The following TRMT13 variants were observed in gnomAD, a reference collection of about 807,000 sequenced individuals.
TRMT13 encodes the protein tRNA methyltransferase 13, also known as tRNA:m(4)X modification enzyme TRM13 homolog.
Under a neutral mutation model 55.9 loss-of-function variants are expected in TRMT13, and 45 were observed. That is an observed-to-expected ratio of 0.80 (90% CI 0.63 to 1.03). The LOEUF (loss-of-function observed/expected upper bound fraction) is 1.03. Ranked by LOEUF, TRMT13 falls within the 50% of genes least tolerant of loss-of-function variation. The probability of loss-of-function intolerance (pLI) is 0.00; values close to 1 mark genes in which losing one functional copy is unlikely to be tolerated. For synonymous variants in TRMT13, 183 were observed against 196.3 expected (o/e 0.93, Z 0.57); for missense variants, 513 against 563.9 (o/e 0.91, Z 0.91).
intron 9 of TRMT13, among the ~76,000 whole-genome samples, chr1:100,147,293 G>A (rs1408050287): frequency 2.6e-5 from 4 of 152,124 alleles, no homozygotes; most frequent in Admixed American, 2.6e-4. Context: ...TCAGTGCTTT[G>A]CACATGAAAG....
Position 100,140,128 on chromosome 1 carries a change from T to C in TRMT13, c.325-54T>C, listed in dbSNP as rs1656408074. On this transcript the variant is annotated intron_variant, in intron 4 of 10. Coordinates refer to ENST00000370141, the MANE Select transcript of TRMT13 (RefSeq NM_019083.3). ...GTAAACCTCTACTCAGTCTCTGTTA[T>C]GCTACTTTAAAGCAATTTTTGGCTA... is the stretch of plus-strand genomic sequence containing the variant. 9 of 1,221,200 alleles carry C rather than the reference T, an allele frequency of 7.4e-6. No individual in the cohort carries two copies. In the South Asian group the frequency reaches 1.0e-4, roughly 14 times the overall value. 75.6% of individuals were successfully genotyped at this position (1,221,200 alleles called of 1,614,324 possible). A position where few individuals can be genotyped will look rare whatever the true frequency, so the allele number is the denominator to read the frequency against.
chr1:100,141,562 G>A (rs1466901810), intron 7 of TRMT13, among the ~76,000 whole-genome samples: 1 of 152,108 alleles, frequency 6.6e-6, no homozygotes, highest in East Asian at 1.9e-4. Flanking sequence ...GAACTCCTGA[G>A]CTTAAGCCAT....
At chr1:100,134,199 T>A (rs1312968688) in intron 1 of TRMT13, among the ~76,000 whole-genome samples, 1 of 152,206 alleles carries the variant, frequency 6.6e-6, no homozygotes, top group Non-Finnish European at 1.5e-5. Flanking sequence ...ACAATTTTGT[T>A]TGATAATTAT....
intron 10 of TRMT13, 25 bp from the exon 11 acceptor site, chr1:100,148,600 T>A (rs1394282745): frequency 6.3e-7 from 1 of 1,579,536 alleles, no homozygotes; most frequent in East Asian, 2.2e-5. Context: ...TTTAACAATG[T>A]TTTGTGTGTG....
rs1257551748 is a variant in TRMT13, at chr1:100,148,513, C to CT, written c.1251-110dup. On this transcript the variant is annotated intron_variant, in intron 10 of 10. Coordinates refer to ENST00000370141, the MANE Select transcript of TRMT13 (RefSeq NM_019083.3). ...TGTCTTGGAAGCATGGGACAAAGTA[C>CT]TTAGTACATTATGGGTTAGTTAACA... The CT allele has an allele frequency of 1.8e-5, 20 of 1,109,302 alleles. No individual in the cohort carries two copies. In the East Asian group the frequency reaches 5.1e-4, roughly 28 times the overall value. 68.7% of individuals were successfully genotyped at this position (1,109,302 alleles called of 1,614,324 possible).
rs201511706 is a variant in TRMT13, at chr1:100,137,019, C to T, written c.195C>T (p.His65=). The part of the protein sequence containing the change: ...KRILCPLDPK[H]TVYEDQLAKH... ...GAAATAATTTTCTCTTTAAATTTAG[C>T]ACAGTATATGAAGATCAACTAGCAA... Residue 65 remains histidine, a splice_region_variant and synonymous_variant, in exon 3 of 11, where the codon CAC becomes CAT. Coordinates refer to ENST00000370141, the MANE Select transcript of TRMT13 (RefSeq NM_019083.3). The T allele has an allele frequency of 1.7e-5, 27 of 1,607,792 alleles. No individual in the cohort carries two copies. Among genetic ancestry groups the T allele is most frequent in the Non-Finnish European group, 1.8e-5 (21 of 1,178,142 alleles).
At chr1:100,142,472 C>T (rs981729122) in intron 7 of TRMT13, among the ~76,000 whole-genome samples, 6 of 151,764 alleles carry the variant, frequency 4.0e-5, no homozygotes, top group African/African-American at 1.5e-4. Flanking sequence ...TTGGAAGCCA[C>T]AAGAGTTGGT....
At chr1:100,139,466 C>A (rs1418270758) in intron 3 of TRMT13, among the ~76,000 whole-genome samples, 183 bp from the exon 4 acceptor site, 1 of 152,032 alleles carries the variant, frequency 6.6e-6, no homozygotes. Flanking sequence ...GGTGGAGTGC[C>A]CAATACCTAA....
chr1:100,133,429 T>G, intron 1 of TRMT13, 114 bp downstream of exon 1: 1 of 1,283,754 alleles, frequency 7.8e-7, no homozygotes, highest in Non-Finnish European at 1.1e-6. Flanking sequence ...CCCTGGATTC[T>G]CCAGCTTTCA....
At chr1:100,141,065 T>C in intron 7 of TRMT13, 46 bp downstream of exon 7, 3 of 1,471,090 alleles carry the variant, frequency 2.0e-6, no homozygotes, top group South Asian at 2.9e-5. Flanking sequence ...CTTGTTTTCA[T>C]TTTTTGTATT....
chr1:100,134,233 CTTTATA>C (rs909274217), intron 1 of TRMT13, among the ~76,000 whole-genome samples: 83 of 152,086 alleles, frequency 5.5e-4, no homozygotes, highest in Middle Eastern at 3.4e-3. Context: ...CTATCAAACA[CTTTATA>C]TTTGTATATA....
chr1:100,148,896 T>C lies in TRMT13; in HGVS notation c.*76T>C. ...ATTATATTTTTATATCAAAAAAATATATACTTTAAATAGCAAATAATATGA... is the reference window on the plus strand; with the variant it reads ...ATTATATTTTTATATCAAAAAAATACATACTTTAAATAGCAAATAATATGA... On this transcript the variant is annotated 3_prime_UTR_variant, in exon 11 of 11. Coordinates refer to ENST00000370141, the MANE Select transcript of TRMT13 (RefSeq NM_019083.3). The C allele has an allele frequency of 8.9e-7, 1 of 1,121,322 alleles. No individual in the cohort carries two copies. The highest frequency in any genetic ancestry group is 1.2e-6 in the Non-Finnish European group (1 of 854,132). 69.5% of individuals were successfully genotyped at this position (1,121,322 alleles called of 1,614,324 possible).
At position 100,137,069 on chromosome 1, in the gene TRMT13, G is replaced by T; in HGVS notation, c.245G>T (p.Arg82Ile). 1 of 1,612,448 alleles carries T rather than the reference G, an allele frequency of 6.2e-7. No individual in the cohort carries two copies. The highest frequency in any genetic ancestry group is 1.1e-5 in the South Asian group (1 of 90,818). The change falls in exon 3 of 11, where the codon AGA (arginine) becomes ATA (isoleucine). Residue 82 changes from arginine to isoleucine, a missense_variant. By Grantham distance (97) the Arg-to-Ile change is moderately conservative (BLOSUM62 -3). Around this residue, in one of 3 missense-constraint regions of TRMT13, gnomAD observed 298 missense variants for 290.3 expected, o/e 1.03. Coordinates refer to ENST00000370141, the MANE Select transcript of TRMT13 (RefSeq NM_019083.3). Reference protein sequence around the residue: ...LAKHLKKCNSREKPKPDFYIQ... With the variant: ...LAKHLKKCNSIEKPKPDFYIQ... The stretch of plus-strand genomic sequence containing the variant: ...AAGCATTTGAAAAAATGTAACTCAA[G>T]AGAGAAACCAAAACCTGTAAGTGTT...
rs1215888966 is a variant in TRMT13, at chr1:100,147,713, TAGA to T, written c.818-177_818-175del. Reference sequence around the variant, plus strand: ...TAAATCATTAAAGAAATTGAGAAGATAGAAGAGCAAATTTGAATGAAGTTGATA... The same window carrying T: ...TAAATCATTAAAGAAATTGAGAAGATAGAGCAAATTTGAATGAAGTTGATA... On this transcript the variant is annotated intron_variant, in intron 9 of 10. Coordinates refer to ENST00000370141, the MANE Select transcript of TRMT13 (RefSeq NM_019083.3). 2.2e-4 allele frequency among the ~76,000 whole-genome samples: 33 copies of T among 152,196 alleles called. 1 individual carries two copies. Among genetic ancestry groups the T allele is most frequent in the South Asian group, 2.1e-4 (1 of 4,834 alleles).
Position 100,148,154 on chromosome 1 carries a change from G to C in TRMT13, c.1078G>C (p.Glu360Gln). The part of the protein sequence containing the change: ...YFRALGLGAV[E>Q]FHYFQRMSSW... The stretch of plus-strand genomic sequence containing the variant: ...CAGGGCTCTAGGCCTTGGAGCAGTG[G>C]AATTCCATTATTTCCAGCGAATGAG... The change falls in exon 10 of 11, where the codon GAA (glutamate) becomes CAA (glutamine). Residue 360 changes from glutamate (E) to glutamine (Q), a missense_variant. By Grantham distance (29) the Glu-to-Gln change is conservative (BLOSUM62 2). Transcript: ENST00000370141. 6.2e-7 allele frequency: 1 copy of C among 1,614,194 alleles called. No individual in the cohort carries two copies. The highest frequency in any genetic ancestry group is 8.5e-7 in the Non-Finnish European group (1 of 1,180,038).
rs201994806 is a variant in TRMT13, at chr1:100,148,720, G to T, written c.1346G>T (p.Ser449Ile). ...CAGTATTTGCAGCAGAAGGGATTCAGTCCTGCTTTGCAGTACTATACAGAC... is the reference window on the plus strand; with the variant it reads ...CAGTATTTGCAGCAGAAGGGATTCATTCCTGCTTTGCAGTACTATACAGAC... ...RIQYLQQKGF[S>I]PALQYYTDPL... is the part of the protein sequence containing the mutation. Residue 449 changes from serine (S) to isoleucine (I), a missense_variant, in exon 11 of 11, where the codon AGT becomes ATT. Transcript: ENST00000370141. 124 of 1,613,088 alleles carry T rather than the reference G, an allele frequency of 7.7e-5. No individual in the cohort carries two copies. The highest frequency in any genetic ancestry group is 1.6e-4 in the Middle Eastern group (1 of 6,080).
chr1:100,147,742 A>AT, intron 9 of TRMT13, 152 bp from the exon 10 acceptor site: 1 of 661,258 alleles, frequency 1.5e-6, no homozygotes, highest in Non-Finnish European at 2.4e-6. Flanking sequence ...GAAGTTGATA[A>AT]TTCATGATAG....
intron 1 of TRMT13, 101 bp downstream of exon 1, chr1:100,133,416 GT>G: frequency 7.3e-7 from 1 of 1,377,210 alleles, no homozygotes; most frequent in Non-Finnish European, 9.8e-7. Context: ...TTCTGCTTGT[GT>G]CCCCTGGATT....
chr1:100,149,107 A>G lies in TRMT13; in HGVS notation c.*287A>G, dbSNP rs200728269. The G allele has an allele frequency of 1.0e-5, 16 of 1,597,354 alleles. No individual in the cohort carries two copies. Among genetic ancestry groups the G allele is most frequent in the Middle Eastern group, 1.7e-4 (1 of 6,004 alleles). ...CCGTTGACTTGGTGATCTGAAACAT[A>G]CATAACATGTCAACACATAATTAGC... On this transcript the variant is annotated 3_prime_UTR_variant, in exon 11 of 11. Coordinates refer to ENST00000370141, the MANE Select transcript of TRMT13 (RefSeq NM_019083.3).
Sources: gnomAD v4.1 joint callset for allele counts (sites outside exome capture counted in the v4.1 genomes callset) on GRCh38, gnomAD v4.1.1 for gene constraint, gnomAD v4.1.1 regional missense constraint, MANE v1.5 for transcripts, NCBI Gene and HGNC (gene_info 2026-07-23, HGNC 2026-07-21) for gene names.